LITAF: variants seen among roughly 807,000 people sequenced by gnomAD.
The protein encoded by LITAF is lipopolysaccharide induced TNF factor.
Under a neutral mutation model 14.5 loss-of-function variants are expected in LITAF, and 9 were observed. That is an observed-to-expected ratio of 0.62 (90% CI 0.37 to 1.08). The LOEUF (loss-of-function observed/expected upper bound fraction) is 1.08. Among genes scored for constraint, LITAF ranks in the 50% least tolerant of loss-of-function variants. The probability of loss-of-function intolerance (pLI) is 0.01; values close to 1 mark genes in which losing one functional copy is unlikely to be tolerated. For missense variants in LITAF, 206 were observed against 213.4 expected (o/e 0.97, Z 0.22); for synonymous variants, 98 against 88.2 (o/e 1.11, Z -0.62).
chr16:11,594,915 AAAAATAAAAAT>A (rs1190741504), intron 1 of LITAF, among the ~76,000 whole-genome samples: 4 of 148,978 alleles, frequency 2.7e-5, no homozygotes, highest in East Asian at 1.9e-4. Context: ...AAATAAAAAT[AAAAATAAAAAT>A]AAAATAAAGG....
At chr16:11,637,879 T>C (rs1597379647), upstream of LITAF, among the ~76,000 whole-genome samples, 1 of 71,072 alleles carries the variant, frequency 1.4e-5, no homozygotes, top group Non-Finnish European at 2.5e-5. Context: ...AGAACCTTCC[T>C]CAAAAAAAAA....
intron 1 of LITAF, among the ~76,000 whole-genome samples, chr16:11,571,565 C>A (rs1318938476): frequency 6.6e-6 from 1 of 152,212 alleles, no homozygotes. Flanking sequence ...CCTCCCACAG[C>A]AGGGGGCACC....
At chr16:11,572,285 C>T (rs1164595911) in intron 1 of LITAF, among the ~76,000 whole-genome samples, 1 of 152,008 alleles carries the variant, frequency 6.6e-6, no homozygotes, top group Non-Finnish European at 1.5e-5. Flanking sequence ...TTCCCCCCAC[C>T]CCTCAACCTC....
rs1182888701 is a variant in LITAF at position 11,565,118 on chromosome 16, C to T, written c.-5-8383G>A. On this transcript the variant is annotated intron_variant, in intron 1 of 3. Coordinates refer to ENST00000622633, the MANE Select transcript of LITAF (RefSeq NM_001136472.2). The stretch of plus-strand genomic sequence containing the variant: ...TTTTTTTTGAGACAGATTCTCGCTC[C>T]GTCGCTCAGGCTGGAGTACAGTGGC... Among the ~76,000 whole-genome samples the T allele has an allele frequency of 3.4e-5, 5 of 146,052 alleles. No homozygotes were observed. In the East Asian group the frequency reaches 6.0e-4, roughly 18 times the overall value.
Position 11,549,086 on chromosome 16 carries a change from G to C in LITAF, c.*551C>G. 1 of 453,922 alleles carries C rather than the reference G, an allele frequency of 2.2e-6. No individual in the cohort carries two copies. The highest frequency in any genetic ancestry group is 4.4e-6 in the Non-Finnish European group (1 of 226,774). 28.1% of individuals were successfully genotyped at this position (453,922 alleles called of 1,614,324 possible). ...AAAATTAAGAAATTAAAGTGAATCT[G>C]TGTGCTAATGAAGTCTGCAGTTACA... On this transcript the variant is annotated 3_prime_UTR_variant, in exon 4 of 4. Transcript: ENST00000622633. The surrounding 1 kb of genome is among the most constrained non-coding windows in gnomAD (Gnocchi z 4.6).
chr16:11,629,846 A>G (rs553313141), intron 3 of LITAF, among the ~76,000 whole-genome samples: 8 of 152,226 alleles, frequency 5.3e-5, no homozygotes, highest in Non-Finnish European at 1.0e-4. Context: ...TAACAAGGCC[A>G]TGTGGTAGGC....
At chr16:11,622,380 C>T (rs1443636283) in intron 3 of LITAF, among the ~76,000 whole-genome samples, 1 of 152,276 alleles carries the variant, frequency 6.6e-6, no homozygotes, top group Non-Finnish European at 1.5e-5. Context: ...CCTCTGCCTG[C>T]CTGACATCTG....
intron 1 of LITAF, among the ~76,000 whole-genome samples, chr16:11,593,708 C>G (rs2064863160): frequency 6.6e-6 from 1 of 152,168 alleles, no homozygotes; most frequent in African/African-American, 2.4e-5. Context: ...CCACAATACA[C>G]AGGGACCTCA....
chr16:11,603,456 C>G (rs2064938853), upstream of LITAF, among the ~76,000 whole-genome samples: 1 of 152,184 alleles, frequency 6.6e-6, no homozygotes, highest in African/African-American at 2.4e-5. Flanking sequence ...CTTCTCTTCC[C>G]CTCCAGAAAT....
intron 3 of LITAF, chr16:11,633,445 G>A (rs1484631483): frequency 3.3e-5 from 5 of 152,162 alleles, no homozygotes; most frequent in Non-Finnish European, 5.9e-5. Flanking sequence ...TCTAAGTCAC[G>A]GGATGAGATA....
chr16:11,599,592 C>G (rs933494583), upstream of LITAF, among the ~76,000 whole-genome samples: 2 of 152,126 alleles, frequency 1.3e-5, no homozygotes, highest in African/African-American at 4.8e-5. Flanking sequence ...CAAATGGACT[C>G]ATGACACAAA....
chr16:11,624,144 T>C (rs1193303272), intron 3 of LITAF, among the ~76,000 whole-genome samples: 1 of 152,038 alleles, frequency 6.6e-6, no homozygotes, highest in Non-Finnish European at 1.5e-5. Context: ...AATAAATAAA[T>C]AATTTCTCTC....
upstream of LITAF, among the ~76,000 whole-genome samples, chr16:11,599,233 C>T (rs547314093): frequency 6.6e-6 from 1 of 152,134 alleles, no homozygotes; most frequent in Non-Finnish European, 1.5e-5. Flanking sequence ...ATTCTCCTGC[C>T]TCAGCCTCTG....
At chr16:11,569,387 C>T (rs1452923664) in intron 1 of LITAF, among the ~76,000 whole-genome samples, 2 of 152,162 alleles carry the variant, frequency 1.3e-5, no homozygotes, top group Non-Finnish European at 2.9e-5. Flanking sequence ...ATTACAGGCA[C>T]ATGCCACCAT....
chr16:11,563,860 G>A (rs575656084), intron 1 of LITAF, among the ~76,000 whole-genome samples: 1 of 152,142 alleles, frequency 6.6e-6, no homozygotes, highest in South Asian at 2.1e-4. Context: ...CAAAGGGTTG[G>A]GGTGGGGGGC....
At chr16:11,614,744 T>G (rs1327454898) in intron 3 of LITAF, among the ~76,000 whole-genome samples, 1 of 152,214 alleles carries the variant, frequency 6.6e-6, no homozygotes, top group Non-Finnish European at 1.5e-5. Context: ...ATCACAAGTA[T>G]GAATCAGTGT....
chr16:11,593,382 T>G (rs1405803450), intron 1 of LITAF, among the ~76,000 whole-genome samples: 1 of 139,334 alleles, frequency 7.2e-6, no homozygotes, highest in Non-Finnish European at 1.6e-5. Context: ...AAAAAAAAGT[T>G]AATGGAAAAT....
chr16:11,556,798 C>A, intron 1 of LITAF, 63 bp from the exon 2 acceptor site: 1 of 1,360,062 alleles, frequency 7.4e-7, no homozygotes, highest in Non-Finnish European at 1.0e-6. Context: ...TCTTTTTCAC[C>A]TAAGTCTTCA....
At chr16:11,569,149 G>A (rs779844288) in intron 1 of LITAF, among the ~76,000 whole-genome samples, 13 of 152,184 alleles carry the variant, frequency 8.5e-5, no homozygotes, top group East Asian at 1.9e-4. Flanking sequence ...GGGGGCTTCC[G>A]AGCAGAATCC....
Sources: gnomAD v4.1 joint callset for allele counts (sites outside exome capture counted in the v4.1 genomes callset) on GRCh38, gnomAD v4.1.1 for gene constraint, Gnocchi (gnomAD v3.1) non-coding constraint, MANE v1.5 for transcripts, NCBI Gene and HGNC (gene_info 2026-07-23, HGNC 2026-07-21) for gene names.